KCNIP4: variants seen among roughly 807,000 people sequenced by gnomAD.
The protein encoded by KCNIP4 is potassium voltage-gated channel interacting protein 4.
A neutral mutation model predicts 34.0 loss-of-function variants in KCNIP4; 12 were observed. The observed-to-expected ratio is 0.35, with a 90% CI of 0.23 to 0.57. The LOEUF (loss-of-function observed/expected upper bound fraction) is 0.57, where lower values mean the gene tolerates loss of function less well. Ranked by LOEUF, KCNIP4 falls within the 20% of genes least tolerant of loss-of-function variation. The pLI, the probability that KCNIP4 is intolerant of heterozygous loss-of-function variation, is 0.83. For missense variants in KCNIP4, 238 were observed against 311.7 expected (o/e 0.76, Z 1.78); for synonymous variants, 124 against 102.2 (o/e 1.21, Z -1.29).
intron 1 of KCNIP4, among the ~76,000 whole-genome samples, chr4:21,711,577 A>T (rs1390934953): frequency 7.9e-5 from 12 of 152,258 alleles, no homozygotes; most frequent in Admixed American, 7.9e-4. Context: ...ATGTGTAAAA[A>T]TATAAAACAT....
At chr4:21,905,345 G>A (rs1306863670) in intron 1 of KCNIP4, among the ~76,000 whole-genome samples, 1 of 152,128 alleles carries the variant, frequency 6.6e-6, no homozygotes, top group Non-Finnish European at 1.5e-5. Context: ...ATTGAGTTAT[G>A]CCAGTTTGGG....
intron 1 of KCNIP4, among the ~76,000 whole-genome samples, chr4:21,195,937 GCAA>G (rs562669218): frequency 2.0e-3 from 310 of 152,226 alleles, no homozygotes; most frequent in Non-Finnish European, 3.7e-3. Context: ...CATCATTCCT[GCAA>G]GGAAGCAGTC....
At chr4:21,079,403 G>A (rs376340460) in intron 1 of KCNIP4, among the ~76,000 whole-genome samples, 8 of 152,044 alleles carry the variant, frequency 5.3e-5, no homozygotes, top group African/African-American at 1.9e-4. Flanking sequence ...ATTTTTTAGA[G>A]AGATTTAGAG....
At chr4:21,475,097 TC>T (rs1730834558) in intron 1 of KCNIP4, among the ~76,000 whole-genome samples, 1 of 152,220 alleles carries the variant, frequency 6.6e-6, no homozygotes, top group Non-Finnish European at 1.5e-5. Context: ...TACCTTATAT[TC>T]TTTACAGTTT....
chr4:21,271,754 C>T (rs113542461), intron 1 of KCNIP4, among the ~76,000 whole-genome samples: 1,626 of 152,110 alleles, frequency 0.011, 26 homozygotes, highest in African/African-American at 0.036. Context: ...ATAAGGCTCG[C>T]ACACACATAA....
chr4:21,309,243 C>T lies in KCNIP4; in HGVS notation c.62-426534G>A, dbSNP rs998075234. On this transcript the variant is annotated intron_variant, in intron 1 of 8. Transcript: ENST00000382152. ...AGAGAAAGGGGGCGAACTTTCTCTA[C>T]GCTTTCACCACAGAGTCCCAGTGAG... 1.2e-4 allele frequency among the ~76,000 whole-genome samples: 18 copies of T among 152,172 alleles called. No individual in the cohort carries two copies. The East Asian group carries it at 1.3e-3, about 11-fold the overall frequency.
chr4:21,370,840 TATATATATATACACACACAC>T lies in KCNIP4; in HGVS notation c.62-488151_62-488132del, dbSNP rs1343639109. ...ATATATATATATATATATATATATA[TATATATATATACACACACAC>T]ACACACACACACACACACACACGTG... On this transcript the variant is annotated intron_variant, in intron 1 of 8. Coordinates refer to ENST00000382152, the MANE Select transcript of KCNIP4 (RefSeq NM_025221.6). Among the ~76,000 whole-genome samples the T allele has an allele frequency of 7.0e-4, 20 of 28,434 alleles. No individual in the cohort carries two copies. In the East Asian group the frequency reaches 0.014, roughly 19 times the overall value. The allele number at this position is 28,434 out of a possible 152,430, so 18.7% of individuals were successfully genotyped here. A position where few individuals can be genotyped will look rare whatever the true frequency, so the allele number is the denominator to read the frequency against.
intron 1 of KCNIP4, among the ~76,000 whole-genome samples, chr4:21,578,102 G>C (rs1035737441): frequency 6.6e-6 from 1 of 152,094 alleles, no homozygotes; most frequent in African/African-American, 2.4e-5. Context: ...TTGGGAGAAC[G>C]AGGTGGGTGG....
At chr4:20,791,152 C>A (rs1712702329) in intron 3 of KCNIP4, among the ~76,000 whole-genome samples, 1 of 152,026 alleles carries the variant, frequency 6.6e-6, no homozygotes, top group Non-Finnish European at 1.5e-5. Context: ...GACAATAGAA[C>A]AAAATCTTTC....
intron 1 of KCNIP4, among the ~76,000 whole-genome samples, chr4:21,879,853 A>C (rs2109382252): frequency 6.6e-6 from 1 of 152,078 alleles, no homozygotes; most frequent in East Asian, 1.9e-4. Context: ...GGAGGCAGTT[A>C]CCTCCACGTT....
chr4:21,190,038 T>C (rs950809952), intron 1 of KCNIP4, among the ~76,000 whole-genome samples: 10 of 152,182 alleles, frequency 6.6e-5, no homozygotes, highest in African/African-American at 1.9e-4. Flanking sequence ...TTCAGAAATA[T>C]GAGACTAGAG....
intron 1 of KCNIP4, among the ~76,000 whole-genome samples, chr4:21,017,071 A>G (rs1336015636): frequency 6.6e-6 from 1 of 152,176 alleles, no homozygotes; most frequent in Non-Finnish European, 1.5e-5. Flanking sequence ...GTGTTTTCCA[A>G]ACTTCAAGAA....
intron 5 of KCNIP4, among the ~76,000 whole-genome samples, chr4:20,743,599 C>T (rs1212602886): frequency 6.6e-6 from 1 of 152,180 alleles, no homozygotes; most frequent in African/African-American, 2.4e-5. Context: ...CCCTTCCTTA[C>T]ACTTTATACA....
intron 1 of KCNIP4, among the ~76,000 whole-genome samples, chr4:21,353,336 T>A (rs867069195): frequency 6.6e-6 from 1 of 152,012 alleles, no homozygotes; most frequent in Non-Finnish European, 1.5e-5. Flanking sequence ...AGGTCAGTAA[T>A]AACAAACTTC....
intron 1 of KCNIP4, among the ~76,000 whole-genome samples, chr4:20,946,404 G>A (rs1351334436): frequency 2.0e-5 from 3 of 152,170 alleles, no homozygotes; most frequent in East Asian, 1.9e-4. Flanking sequence ...GAAGGCCTGA[G>A]TGGTCAGATG....
chr4:21,470,772 G>A (rs570998784), intron 1 of KCNIP4, among the ~76,000 whole-genome samples: 2 of 151,972 alleles, frequency 1.3e-5, no homozygotes, highest in South Asian at 4.2e-4. Context: ...TTAGTTACAA[G>A]AGAATTCTTG....
intron 1 of KCNIP4, among the ~76,000 whole-genome samples, chr4:20,967,501 G>A (rs1288856374): frequency 6.6e-6 from 1 of 152,166 alleles, no homozygotes; most frequent in Admixed American, 6.5e-5. Flanking sequence ...AGCAAAGCTG[G>A]AGGCATCATG....
intron 1 of KCNIP4, among the ~76,000 whole-genome samples, chr4:21,168,557 C>T (rs1422552145): frequency 1.3e-5 from 2 of 152,146 alleles, no homozygotes; most frequent in Admixed American, 1.3e-4. Flanking sequence ...CTAAATTTTT[C>T]TCTTATATCC....
intron 1 of KCNIP4, among the ~76,000 whole-genome samples, chr4:21,837,649 CT>C (rs1204183054): frequency 6.6e-6 from 1 of 151,334 alleles, no homozygotes; most frequent in African/African-American, 2.4e-5. Context: ...TAGGCTGTTT[CT>C]TTCTCTCCCA....
Sources: gnomAD v4.1 joint callset for allele counts (sites outside exome capture counted in the v4.1 genomes callset) on GRCh38, gnomAD v4.1.1 for gene constraint, MANE v1.5 for transcripts, NCBI Gene and HGNC (gene_info 2026-07-23, HGNC 2026-07-21) for gene names.